Variants in TRIO observed in about 807,000 individuals in gnomAD.
TRIO encodes trio Rho guanine nucleotide exchange factor, also known as triple functional domain protein.
Under a neutral mutation model 351.9 loss-of-function variants are expected in TRIO, and 58 were observed. That is an observed-to-expected ratio of 0.16 (90% CI 0.13 to 0.21). TRIO has a LOEUF of 0.21. TRIO is among the 10% of genes least tolerant of loss of function. TRIO has a pLI of 1.00. For missense variants in TRIO, 3,201 were observed against 4,027.8 expected, an observed-to-expected ratio of 0.79 and a Z score of 5.56; for synonymous variants, 1,758 against 1,595.7, an observed-to-expected ratio of 1.10 and a Z score of -2.42.
At chr5:14,225,792 A>C (rs868217406) in intron 1 of TRIO, among the ~76,000 whole-genome samples, 19,789 of 76,936 alleles carry the variant, frequency 0.26, 265 homozygotes, top group Non-Finnish European at 0.28. Flanking sequence ...CACTGCTCCC[A>C]CCCCCCCCCC....
chr5:14,224,166 CATTATT>C (rs1461410525), intron 1 of TRIO, among the ~76,000 whole-genome samples: 2 of 152,038 alleles, frequency 1.3e-5, no homozygotes, highest in African/African-American at 2.4e-5. Flanking sequence ...TGGAAGAACA[CATTATT>C]ATTATATTAT....
chr5:14,421,227 A>ATTTTATTTTATTTTATTTTAT, intron 34 of TRIO, among the ~76,000 whole-genome samples: 1 of 118,084 alleles, frequency 8.5e-6, no homozygotes, highest in East Asian at 2.5e-4. Flanking sequence ...TTATTTATTT[A>ATTTTATTTTATTTTATTTTAT]TTTATTTTAT....
At chr5:14,171,045 G>A (rs1466956864) in intron 1 of TRIO, among the ~76,000 whole-genome samples, 2 of 152,022 alleles carry the variant, frequency 1.3e-5, no homozygotes, top group South Asian at 2.1e-4. Flanking sequence ...TATATTCCTT[G>A]CCCTAAAATA....
intron 1 of TRIO, among the ~76,000 whole-genome samples, chr5:14,178,895 A>T (rs1789574906): frequency 6.6e-6 from 1 of 152,164 alleles, no homozygotes; most frequent in Non-Finnish European, 1.5e-5. Context: ...TCCTCCCCAT[A>T]GCCTGGAGTG....
At chr5:14,285,447 T>C (rs950539132) in intron 3 of TRIO, among the ~76,000 whole-genome samples, 1 of 151,954 alleles carries the variant, frequency 6.6e-6, no homozygotes, top group Non-Finnish European at 1.5e-5. Context: ...AGATGTCATA[T>C]GTACTTTGCA....
At chr5:14,321,480 T>C (rs1739878565) in intron 9 of TRIO, among the ~76,000 whole-genome samples, 1 of 152,242 alleles carries the variant, frequency 6.6e-6, no homozygotes. Flanking sequence ...CTTGGTGCTT[T>C]GTGGGTGCTC....
intron 31 of TRIO, among the ~76,000 whole-genome samples, chr5:14,403,361 C>T (rs1370039110): frequency 7.4e-5 from 3 of 40,356 alleles, no homozygotes; most frequent in African/African-American, 2.4e-4. Context: ...TGTGAGGGTG[C>T]AGGTTGTGGT....
chr5:14,179,207 G>A (rs1169056492), intron 1 of TRIO, among the ~76,000 whole-genome samples: 1 of 152,204 alleles, frequency 6.6e-6, no homozygotes, highest in Non-Finnish European at 1.5e-5. Context: ...ACCTTTGTGG[G>A]TCTGGTGTCT....
At chr5:14,371,813 G>A (rs770125670) in intron 18 of TRIO, among the ~76,000 whole-genome samples, 1 of 151,836 alleles carries the variant, frequency 6.6e-6, no homozygotes, top group African/African-American at 2.4e-5. Context: ...GCTAATTTTT[G>A]TATTTTTTTG....
At chr5:14,347,087 G>T (rs925903737) in intron 11 of TRIO, among the ~76,000 whole-genome samples, 2 of 143,550 alleles carry the variant, frequency 1.4e-5, no homozygotes, top group Non-Finnish European at 3.0e-5. Flanking sequence ...CATCTCAGGC[G>T]GACCTGAGGT....
At chr5:14,210,064 G>T (rs539124619) in intron 1 of TRIO, among the ~76,000 whole-genome samples, 1 of 152,322 alleles carries the variant, frequency 6.6e-6, no homozygotes, top group East Asian at 1.9e-4. Flanking sequence ...CCCAGCTGGG[G>T]CCACAACTAG....
At chr5:14,503,186 C>G (rs1026242900) in intron 54 of TRIO, among the ~76,000 whole-genome samples, 1 of 152,250 alleles carries the variant, frequency 6.6e-6, no homozygotes, top group Admixed American at 6.5e-5. Flanking sequence ...CAGGGCCACA[C>G]AGCACACACA....
chr5:14,235,824 A>G (rs1294391549), intron 1 of TRIO, among the ~76,000 whole-genome samples: 1 of 151,996 alleles, frequency 6.6e-6, no homozygotes, highest in Non-Finnish European at 1.5e-5. Context: ...TTAATTTTTA[A>G]TTAAAAAAAA....
intron 1 of TRIO, among the ~76,000 whole-genome samples, chr5:14,264,892 GGCGTGC>G: frequency 2.0e-5 from 3 of 152,330 alleles, no homozygotes; most frequent in African/African-American, 7.2e-5. Flanking sequence ...TTTGTGTGCA[GGCGTGC>G]GCGCGCGAAG....
Position 14,482,673 on chromosome 5 carries a change from G to A in TRIO, c.6557G>A (p.Arg2186Lys). The change falls in exon 46 of 57, where the codon AGG (arginine) becomes AAG (lysine). Residue 2186 changes from arginine to lysine, a missense_variant. By Grantham distance (26) the Arg-to-Lys change is conservative. Coordinates refer to ENST00000344204, the MANE Select transcript of TRIO (RefSeq NM_007118.4). ...GGACTTCTGCCTCGCTGCAGAGAGA[G>A]GCGCATCTTCCTCTTTGAGCAGATC... The part of the protein sequence containing the change: ...DAGLLPRCRE[R>K]RIFLFEQIVI... 1.2e-6 allele frequency: 2 copies of A among 1,611,394 alleles called. No individual in the cohort carries two copies. Among genetic ancestry groups the A allele is most frequent in the Non-Finnish European group, 1.7e-6 (2 of 1,178,224 alleles).
chr5:14,404,499 C>A (rs1001659743), intron 31 of TRIO, among the ~76,000 whole-genome samples: 11 of 152,082 alleles, frequency 7.2e-5, no homozygotes, highest in African/African-American at 2.7e-4. Context: ...AACAGTTTTC[C>A]TCAGTTGTTT....
intron 21 of TRIO, among the ~76,000 whole-genome samples, chr5:14,385,947 C>T (rs1055139993): frequency 3.9e-5 from 6 of 152,310 alleles, no homozygotes; most frequent in East Asian, 3.9e-4. Flanking sequence ...ACAGTGCCCT[C>T]CACAGATGGC....
intron 35 of TRIO, 150 bp downstream of exon 35, chr5:14,461,461 T>A (rs1452995908): frequency 4.3e-6 from 5 of 1,157,774 alleles, no homozygotes; most frequent in Non-Finnish European, 4.6e-6. Flanking sequence ...CTTAGCAGAC[T>A]GAGATTTAGT....
chr5:14,288,527 C>A (rs543330964), intron 4 of TRIO, among the ~76,000 whole-genome samples: 1 of 152,032 alleles, frequency 6.6e-6, no homozygotes, highest in Non-Finnish European at 1.5e-5. Flanking sequence ...ATTAGCCGGG[C>A]GTGGTGGCAG....
Sources: allele counts gnomAD v4.1 joint callset (sites outside exome capture counted in the v4.1 genomes callset), GRCh38; gene constraint gnomAD v4.1.1; transcripts MANE v1.5; gene names NCBI Gene and HGNC (gene_info 2026-07-23, HGNC 2026-07-21).